PTPRM: variants seen among roughly 807,000 people sequenced by gnomAD.
The protein encoded by PTPRM is receptor-type tyrosine-protein phosphatase mu.
PTPRM carries 47 observed loss-of-function variants against 186.7 expected under a neutral mutation model. That is an observed-to-expected ratio of 0.25 (90% CI 0.20 to 0.32). The LOEUF is 0.32. Ranked by LOEUF, PTPRM falls within the 10% of genes least tolerant of loss-of-function variation. The pLI is 1.00. For missense variants in PTPRM, 1,494 were observed against 1,865.0 expected (o/e 0.80, Z 3.66); for synonymous variants, 668 against 674.9 (o/e 0.99, Z 0.16).
chr18:8,251,695 C>G (rs1398618360), intron 17 of PTPRM: 1 of 152,234 alleles, frequency 6.6e-6, no homozygotes, highest in Non-Finnish European at 1.5e-5. Flanking sequence ...CCATGCATCC[C>G]CAGGTGCTTT....
intron 2 of PTPRM, among the ~76,000 whole-genome samples, chr18:7,840,251 G>T (rs139193365): frequency 2.6e-4 from 39 of 151,882 alleles, no homozygotes; most frequent in Middle Eastern, 6.8e-3. Flanking sequence ...GTGTAGATAG[G>T]TGTTAATTGG....
At chr18:7,748,083 G>C (rs2041039272) in intron 1 of PTPRM, among the ~76,000 whole-genome samples, 1 of 152,128 alleles carries the variant, frequency 6.6e-6, no homozygotes, top group Non-Finnish European at 1.5e-5. Flanking sequence ...CCCACCACAA[G>C]GACTATATTT....
intron 1 of PTPRM, among the ~76,000 whole-genome samples, chr18:7,737,628 C>CT: frequency 6.6e-6 from 1 of 152,302 alleles, no homozygotes; most frequent in Admixed American, 6.5e-5. Context: ...CTGCCTAGTG[C>CT]TAGTGGTCCT....
intron 32 of PTPRM, among the ~76,000 whole-genome samples, chr18:8,395,911 C>T (rs1463014617): frequency 6.6e-6 from 1 of 152,232 alleles, no homozygotes; most frequent in African/African-American, 2.4e-5. Flanking sequence ...ATACCATGAG[C>T]TCACTGAGGT....
intron 23 of PTPRM, among the ~76,000 whole-genome samples, chr18:8,362,302 TG>T (rs1286486656): frequency 6.6e-6 from 1 of 152,196 alleles, no homozygotes; most frequent in Non-Finnish European, 1.5e-5. Context: ...AGCCCCATGG[TG>T]GTGGCAGTGA....
chr18:8,253,434 C>T lies in PTPRM; in HGVS notation c.2754+20C>T, dbSNP rs1351047833. ...TACGAGGTGAGCACAAGCTCTGTGCCAGGGCTTTCCCATTCCTTCTTGGAT... is the reference window on the plus strand; with the variant it reads ...TACGAGGTGAGCACAAGCTCTGTGCTAGGGCTTTCCCATTCCTTCTTGGAT... On this transcript the variant is annotated intron_variant, in intron 19 of 32. Transcript: ENST00000580170. 4 of 1,408,166 alleles carry T rather than the reference C, an allele frequency of 2.8e-6. No homozygotes were observed. The highest frequency in any genetic ancestry group is 2.9e-5 in the African/African-American group (2 of 67,850). The allele number at this position is 1,408,166 out of a possible 1,614,324, so 87.2% of individuals were successfully genotyped here.
intron 7 of PTPRM, among the ~76,000 whole-genome samples, chr18:7,973,487 A>G (rs1366106337): frequency 2.0e-5 from 3 of 152,160 alleles, no homozygotes; most frequent in Admixed American, 2.0e-4. Flanking sequence ...TTTTCCATGC[A>G]TGTATTCAGT....
chr18:8,147,629 C>A, intron 14 of PTPRM, among the ~76,000 whole-genome samples: 1 of 118,632 alleles, frequency 8.4e-6, no homozygotes, highest in East Asian at 2.0e-4. Flanking sequence ...GTTTGAATAC[C>A]CTTTATTTCT....
intron 29 of PTPRM, among the ~76,000 whole-genome samples, chr18:8,383,416 C>T (rs1343793408): frequency 1.4e-5 from 2 of 144,976 alleles, no homozygotes; most frequent in Non-Finnish European, 3.0e-5. Flanking sequence ...GTTAAGGTTT[C>T]GGGGCTTTGA....
At chr18:7,588,940 A>G (rs956909236) in intron 1 of PTPRM, among the ~76,000 whole-genome samples, 3 of 152,086 alleles carry the variant, frequency 2.0e-5, no homozygotes, top group Non-Finnish European at 4.4e-5. Context: ...ACCTCAACCT[A>G]CTGGGCTCCA....
chr18:7,875,469 G>T (rs567962415), intron 2 of PTPRM, among the ~76,000 whole-genome samples: 1 of 151,766 alleles, frequency 6.6e-6, no homozygotes, highest in Admixed American at 6.6e-5. Context: ...AACTACAGGC[G>T]TGCACCACCA....
intron 7 of PTPRM, among the ~76,000 whole-genome samples, chr18:7,958,662 C>G (rs753924500): frequency 2.6e-5 from 4 of 152,112 alleles, no homozygotes; most frequent in Admixed American, 1.3e-4. Context: ...GATGATCCAC[C>G]GGATATTTCT....
At chr18:8,223,037 A>G (rs1476312349) in intron 14 of PTPRM, among the ~76,000 whole-genome samples, 1 of 152,120 alleles carries the variant, frequency 6.6e-6, no homozygotes, top group African/African-American at 2.4e-5. Context: ...CAGCCTGGTC[A>G]ACATTGCGAA....
intron 1 of PTPRM, among the ~76,000 whole-genome samples, chr18:7,768,580 G>A (rs2042123439): frequency 6.6e-6 from 1 of 151,962 alleles, no homozygotes; most frequent in Non-Finnish European, 1.5e-5. Context: ...GAGTAAATGT[G>A]CAAACTTATA....
In PTPRM at chr18:8,253,312, T is replaced by A; in HGVS notation, c.2652T>A (p.Tyr884Ter). 1 of 1,599,458 alleles carries A rather than the reference T, an allele frequency of 6.3e-7. No individual in the cohort carries two copies. The highest frequency in any genetic ancestry group is 8.5e-7 in the Non-Finnish European group (1 of 1,173,154). The change falls in exon 19 of 33, where the codon TAT becomes TAA. Residue 884 changes from tyrosine to a stop codon, truncating the protein, a stop_gained. Coordinates refer to ENST00000580170, the MANE Select transcript of PTPRM (RefSeq NM_001105244.2). LOFTEE classifies it high-confidence loss of function. ...AGCGAGAGCCGGCCGACGTGCCCTATCAGACTGGGCAGCTCCACCCCGCCA... is the reference window on the plus strand; with the variant it reads ...AGCGAGAGCCGGCCGACGTGCCCTAACAGACTGGGCAGCTCCACCCCGCCA... ...YKKREPADVP[Y>*]QTGQLHPAIR...
intron 1 of PTPRM, among the ~76,000 whole-genome samples, chr18:7,663,244 A>G (rs1401706670): frequency 6.6e-6 from 1 of 152,188 alleles, no homozygotes; most frequent in African/African-American, 2.4e-5. Context: ...CACACTTTCC[A>G]ACTGTTTACT....
chr18:7,961,646 C>T (rs1464794906), intron 7 of PTPRM, among the ~76,000 whole-genome samples: 1 of 152,148 alleles, frequency 6.6e-6, no homozygotes, highest in Non-Finnish European at 1.5e-5. Context: ...ATCAGTTATC[C>T]TAGAAATGTT....
intron 1 of PTPRM, among the ~76,000 whole-genome samples, chr18:7,611,923 A>G (rs754876634): frequency 4.6e-5 from 7 of 152,188 alleles, no homozygotes; most frequent in African/African-American, 7.2e-5. Flanking sequence ...TATCAGCAGC[A>G]TGAAAGCAGA....
intron 5 of PTPRM, among the ~76,000 whole-genome samples, chr18:7,947,369 C>T (rs1047648606): frequency 6.6e-6 from 1 of 152,116 alleles, no homozygotes; most frequent in African/African-American, 2.4e-5. Context: ...GTTTGGCATA[C>T]TGGTCAGGCT....
Sources: allele counts gnomAD v4.1 joint callset (sites outside exome capture counted in the v4.1 genomes callset), GRCh38; gene constraint gnomAD v4.1.1; transcripts MANE v1.5; gene names NCBI Gene and HGNC (gene_info 2026-07-23, HGNC 2026-07-21).